CNTNAP2: variants seen among roughly 807,000 people sequenced by gnomAD.
The protein encoded by CNTNAP2 is contactin-associated protein-like 2.
CNTNAP2 carries 98 observed loss-of-function variants against 155.2 expected under a neutral mutation model. That is an observed-to-expected ratio of 0.63 (90% CI 0.54 to 0.75). The LOEUF (loss-of-function observed/expected upper bound fraction) is 0.75, where lower values mean the gene tolerates loss of function less well. Ranked by LOEUF, CNTNAP2 falls within the 30% of genes least tolerant of loss-of-function variation. The pLI, the probability that CNTNAP2 is intolerant of heterozygous loss-of-function variation, is 0.00. For synonymous variants in CNTNAP2, 651 were observed against 631.2 expected (o/e 1.03, Z -0.47); for missense variants, 1,727 against 1,688.1 (o/e 1.02, Z -0.40).
chr7:146,631,237 G>T (rs1157234896), intron 1 of CNTNAP2, among the ~76,000 whole-genome samples: 1 of 152,066 alleles, frequency 6.6e-6, no homozygotes, highest in East Asian at 1.9e-4. Flanking sequence ...ACAGGACTGT[G>T]TTCTTAAAAT....
At chr7:147,781,465 C>T (rs1192079754) in intron 13 of CNTNAP2, among the ~76,000 whole-genome samples, 1 of 152,068 alleles carries the variant, frequency 6.6e-6, no homozygotes, top group Non-Finnish European at 1.5e-5. Context: ...ATAGTGCTGA[C>T]GGGGTTCAGG....
chr7:146,351,465 T>C (rs1333591293), intron 1 of CNTNAP2, among the ~76,000 whole-genome samples: 1 of 152,186 alleles, frequency 6.6e-6, no homozygotes, highest in African/African-American at 2.4e-5. Context: ...ATGCTTCATG[T>C]TGTATTTATA....
At chr7:147,465,010 C>T (rs533760510) in intron 10 of CNTNAP2, among the ~76,000 whole-genome samples, 1 of 152,146 alleles carries the variant, frequency 6.6e-6, no homozygotes, top group Non-Finnish European at 1.5e-5. Context: ...TTTGCAGCAA[C>T]ATGGATGCAG....
intron 1 of CNTNAP2, chr7:146,117,255 A>C: frequency 2.2e-6 from 1 of 450,560 alleles, no homozygotes; most frequent in Non-Finnish European, 4.1e-6. Flanking sequence ...TGTAGATGGC[A>C]GCTTCTTAGG....
chr7:147,733,786 G>T (rs1796788802), intron 13 of CNTNAP2, among the ~76,000 whole-genome samples: 1 of 152,158 alleles, frequency 6.6e-6, no homozygotes. Context: ...AAGCAATTGT[G>T]AATGGGAATT....
chr7:146,669,026 A>G lies in CNTNAP2; in HGVS notation c.98-105245A>G, dbSNP rs576638704. Among the ~76,000 whole-genome samples, 61 of 152,302 alleles carry G rather than the reference A, an allele frequency of 4.0e-4. No individual in the cohort carries two copies. In the South Asian group the frequency reaches 0.011, roughly 28 times the overall value. ...TGAAAGTATATTTTTCTGTTCCTGC[A>G]TATTCTATAAATATCAAATAAATGG... On this transcript the variant is annotated intron_variant, in intron 1 of 23. Transcript: ENST00000361727.
intron 13 of CNTNAP2, among the ~76,000 whole-genome samples, chr7:147,864,538 T>C (rs900008046): frequency 2.5e-4 from 38 of 151,958 alleles, no homozygotes; most frequent in Admixed American, 2.2e-3. Flanking sequence ...ATTTTCATGA[T>C]ATTGATTCTT....
At chr7:146,664,807 A>C (rs1484813727) in intron 1 of CNTNAP2, among the ~76,000 whole-genome samples, 1 of 152,100 alleles carries the variant, frequency 6.6e-6, no homozygotes, top group Non-Finnish European at 1.5e-5. Flanking sequence ...CCAATAATTT[A>C]TTTTTTTAAA....
At chr7:146,489,689 T>C (rs1356604915) in intron 1 of CNTNAP2, among the ~76,000 whole-genome samples, 1 of 151,988 alleles carries the variant, frequency 6.6e-6, no homozygotes, top group Non-Finnish European at 1.5e-5. Flanking sequence ...TTGTCCCCCA[T>C]CCAAGAAGAA....
At chr7:146,616,455 C>T (rs2129155155) in intron 1 of CNTNAP2, among the ~76,000 whole-genome samples, 1 of 152,244 alleles carries the variant, frequency 6.6e-6, no homozygotes, top group East Asian at 1.9e-4. Flanking sequence ...ATGAGGATGG[C>T]CTTTCTAACC....
rs1436788351 is a variant in CNTNAP2, at chr7:148,420,731, T to C, written c.*5115T>C. The C allele has an allele frequency of 1.3e-5, 2 of 152,610 alleles. No homozygotes were observed. The highest frequency in any genetic ancestry group is 2.9e-5 in the Non-Finnish European group (2 of 68,038). The allele number at this position is 152,610 out of a possible 1,614,324, so 9.5% of individuals were successfully genotyped here. A position where few individuals can be genotyped will look rare whatever the true frequency, so the allele number is the denominator to read the frequency against. On this transcript the variant is annotated 3_prime_UTR_variant, in exon 24 of 24. Coordinates refer to ENST00000361727, the MANE Select transcript of CNTNAP2 (RefSeq NM_014141.6). ...GTTTTATTTTGTCAGGTTTTTTAAATTTTTTCAGTGAGCGTGGTGACTGCA... is the reference window on the plus strand; with the variant it reads ...GTTTTATTTTGTCAGGTTTTTTAAACTTTTTCAGTGAGCGTGGTGACTGCA...
At chr7:146,655,572 T>C (rs1357786706) in intron 1 of CNTNAP2, among the ~76,000 whole-genome samples, 1 of 152,110 alleles carries the variant, frequency 6.6e-6, no homozygotes, top group Non-Finnish European at 1.5e-5. Flanking sequence ...TACTTCATTT[T>C]TGGAAACAGA....
At chr7:147,057,431 T>C (rs141406681) in intron 4 of CNTNAP2, among the ~76,000 whole-genome samples, 5 of 152,330 alleles carry the variant, frequency 3.3e-5, no homozygotes, top group African/African-American at 1.2e-4. Flanking sequence ...CACATAAATG[T>C]TTTAAAACAA....
chr7:147,604,432 T>C (rs987041247), intron 12 of CNTNAP2, among the ~76,000 whole-genome samples: 1 of 152,236 alleles, frequency 6.6e-6, no homozygotes, highest in Non-Finnish European at 1.5e-5. Context: ...TTGTCCCATG[T>C]TCAGCCAGTG....
At chr7:146,242,675 GGATT>G (rs112958769) in intron 1 of CNTNAP2, among the ~76,000 whole-genome samples, 5,820 of 152,132 alleles carry the variant, frequency 0.038, 305 homozygotes, top group African/African-American at 0.11. Flanking sequence ...TTTTGATATT[GGATT>G]GATTAACTTT....
rs184423519 is a variant in CNTNAP2 at position 147,279,311 on chromosome 7, T to C, written c.1349-20830T>C. Among the ~76,000 whole-genome samples, 299 of 151,914 alleles carry C rather than the reference T, an allele frequency of 2.0e-3. 1 individual carries two copies. The highest frequency in any genetic ancestry group is 3.9e-3 in the Non-Finnish European group (263 of 67,794). ...GATCAGGCTAATGGTGAGACGATTA[T>C]TCATTCTTAAAGCTTTGACTCAGAG... On this transcript the variant is annotated intron_variant, in intron 8 of 23. Coordinates refer to ENST00000361727, the MANE Select transcript of CNTNAP2 (RefSeq NM_014141.6).
rs117671318 is a variant in CNTNAP2 at position 147,067,824 on chromosome 7, G to A, written c.550+23770G>A. Among the ~76,000 whole-genome samples the A allele has an allele frequency of 4.2e-3, 647 of 152,280 alleles. 9 individuals are homozygous for A. The highest frequency in any genetic ancestry group is 0.014 in the Middle Eastern group (4 of 294). On this transcript the variant is annotated intron_variant, in intron 4 of 23. Coordinates refer to ENST00000361727, the MANE Select transcript of CNTNAP2 (RefSeq NM_014141.6). Reference sequence around the variant, plus strand: ...AGTGCCACACTTACCTAATCCTCTCGATTCGCATTCGGTTGTTCTCTTCCC... The same window carrying A: ...AGTGCCACACTTACCTAATCCTCTCAATTCGCATTCGGTTGTTCTCTTCCC...
At chr7:147,305,183 G>A (rs1795005929) in intron 9 of CNTNAP2, among the ~76,000 whole-genome samples, 1 of 152,168 alleles carries the variant, frequency 6.6e-6, no homozygotes, top group Non-Finnish European at 1.5e-5. Context: ...CATTGAAATA[G>A]ACCATGGATT....
rs1243039330 is a variant in CNTNAP2 at position 148,263,817 on chromosome 7, G to A, written c.3382-3216G>A. 3.3e-5 allele frequency among the ~76,000 whole-genome samples: 5 copies of A among 151,500 alleles called. No individual in the cohort carries two copies. In the South Asian group the frequency reaches 6.3e-4, roughly 19 times the overall value. On this transcript the variant is annotated intron_variant, in intron 20 of 23. Coordinates refer to ENST00000361727, the MANE Select transcript of CNTNAP2 (RefSeq NM_014141.6). ...ATTTTTGGTTAAAGCCATCAACCAC[G>A]CAGACATAGGAAGGGAATACACTTA...
Sources: allele counts gnomAD v4.1 joint callset (sites outside exome capture counted in the v4.1 genomes callset), GRCh38; gene constraint gnomAD v4.1.1; transcripts MANE v1.5; gene names NCBI Gene and HGNC (gene_info 2026-07-23, HGNC 2026-07-21).